Variants in STAC observed in about 807,000 individuals in gnomAD.
STAC encodes the protein SH3 and cysteine-rich domain-containing protein.
Under a neutral mutation model 48.8 loss-of-function variants are expected in STAC, and 43 were observed. That is an observed-to-expected ratio of 0.88 (90% CI 0.69 to 1.14). STAC has a LOEUF of 1.14. Among genes scored for constraint, STAC ranks in the 50% most tolerant of loss-of-function variants. The pLI is 0.00. For missense variants in STAC, 497 were observed against 504.0 expected (o/e 0.99, Z 0.13); for synonymous variants, 193 against 179.5 (o/e 1.07, Z -0.60).
intron 6 of STAC, among the ~76,000 whole-genome samples, chr3:36,493,515 G>A (rs949696079): frequency 1.3e-5 from 2 of 151,704 alleles, no homozygotes; most frequent in East Asian, 3.9e-4. Context: ...GAGCTGTATT[G>A]GGGTTTAAGA....
At chr3:36,454,124 T>G (rs571398351) in intron 2 of STAC, among the ~76,000 whole-genome samples, 3 of 152,156 alleles carry the variant, frequency 2.0e-5, no homozygotes, top group Non-Finnish European at 4.4e-5. Flanking sequence ...CAGGCTGCCC[T>G]AGCCAGCAGT....
intron 2 of STAC, among the ~76,000 whole-genome samples, chr3:36,448,504 A>T (rs1696584362): frequency 6.6e-6 from 1 of 152,262 alleles, no homozygotes; most frequent in East Asian, 1.9e-4. Flanking sequence ...TACAGGCATG[A>T]GCCACCGCAC....
At chr3:36,527,878 C>T (rs778138864) in intron 8 of STAC, among the ~76,000 whole-genome samples, 12 of 152,236 alleles carry the variant, frequency 7.9e-5, no homozygotes, top group Non-Finnish European at 1.6e-4. Flanking sequence ...TAGTACAAAA[C>T]TCCAATTACA....
intron 1 of STAC, among the ~76,000 whole-genome samples, chr3:36,413,999 G>A (rs978729169): frequency 2.0e-5 from 3 of 152,072 alleles, no homozygotes; most frequent in African/African-American, 7.2e-5. Context: ...GTTGAATATT[G>A]GCCCCCACTC....
intron 2 of STAC, among the ~76,000 whole-genome samples, chr3:36,444,608 ATTAAG>A (rs1339294081): frequency 4.6e-5 from 7 of 152,330 alleles, no homozygotes; most frequent in African/African-American, 1.2e-4. Flanking sequence ...CGTTAGCCGA[ATTAAG>A]TTATGTGGCC....
chr3:36,443,360 G>A lies in STAC; in HGVS notation c.112-4G>A. 6.2e-7 allele frequency: 1 copy of A among 1,614,110 alleles called. No individual in the cohort carries two copies. Among genetic ancestry groups the A allele is most frequent in the Non-Finnish European group, 8.5e-7 (1 of 1,180,014 alleles). ...AGAGAGACTGTTCTGTCATTGCATTGCAGCTCCAGAAACTAAAACGATCAC... is the reference window on the plus strand; with the variant it reads ...AGAGAGACTGTTCTGTCATTGCATTACAGCTCCAGAAACTAAAACGATCAC... On this transcript the variant is annotated splice_polypyrimidine_tract_variant and splice_region_variant and intron_variant, in intron 1 of 10. Transcript: ENST00000273183. The surrounding 1 kb of genome is among the most constrained non-coding windows in gnomAD (Gnocchi z 4.2).
At chr3:36,430,792 CA>C (rs1700681706) in intron 1 of STAC, among the ~76,000 whole-genome samples, 1 of 152,180 alleles carries the variant, frequency 6.6e-6, no homozygotes, top group Admixed American at 6.5e-5. Context: ...TGTAGATAAT[CA>C]CCTTCTCACT....
intron 8 of STAC, among the ~76,000 whole-genome samples, chr3:36,512,573 C>A (rs1406078106): frequency 6.6e-6 from 1 of 151,838 alleles, no homozygotes; most frequent in Non-Finnish European, 1.5e-5. Context: ...AAGAATGTTA[C>A]TGGGATAATG....
intron 1 of STAC, 116 bp downstream of exon 1, chr3:36,380,870 C>A: frequency 1.6e-6 from 1 of 613,470 alleles, no homozygotes; most frequent in Non-Finnish European, 2.7e-6. Context: ...TGCTAGTTAG[C>A]CCAGGGCTGT....
intron 7 of STAC, 37 bp from the exon 8 acceptor site, chr3:36,505,709 C>A: frequency 7.2e-7 from 1 of 1,388,174 alleles, no homozygotes. Flanking sequence ...TTTATTTCAC[C>A]TTTCTTTTCT....
At chr3:36,417,252 T>C (rs912574030) in intron 1 of STAC, among the ~76,000 whole-genome samples, 3 of 152,190 alleles carry the variant, frequency 2.0e-5, no homozygotes, top group African/African-American at 7.2e-5. Context: ...CTCAGCTCTC[T>C]TCTAAGTTTA....
At position 36,493,158 on chromosome 3, in the gene STAC, A is replaced by T. The variant is rs763996508; in HGVS notation, c.695A>T (p.Asp232Val). 1 of 1,613,150 alleles carries T rather than the reference A, an allele frequency of 6.2e-7. No homozygotes were observed. Among genetic ancestry groups the T allele is most frequent in the South Asian group, 1.1e-5 (1 of 91,044 alleles). ...TTTCTTCTTTCCTCCAAGACTTCAG[A>T]TCTTGTGGAGGTTCCTGAGGAAGCC... ...SDSPHRTSTSDLVEVPEEANG... is the reference protein window; with the variant it reads ...SDSPHRTSTSVLVEVPEEANG... Residue 232 changes from aspartate to valine, a missense_variant, in exon 6 of 11, where the codon GAT (aspartate) becomes GTT (valine). Asp to Val is a radical substitution (Grantham distance 152). Transcript: ENST00000273183.
At chr3:36,493,528 C>T (rs1189815625) in intron 6 of STAC, among the ~76,000 whole-genome samples, 1 of 151,766 alleles carries the variant, frequency 6.6e-6, no homozygotes, top group Non-Finnish European at 1.5e-5. Context: ...GTTTAAGAGT[C>T]GCTTCCAGAA....
chr3:36,523,431 T>C (rs1372145914), intron 8 of STAC, among the ~76,000 whole-genome samples: 5 of 152,214 alleles, frequency 3.3e-5, no homozygotes, highest in African/African-American at 4.8e-5. Flanking sequence ...TGGATTACAA[T>C]GTAAGCAAAA....
rs1362673521 is a variant in STAC, at chr3:36,437,931, G to GTTATTTATTATTATTATTA, written c.112-5428_112-5427insTATTATTATTATTATTATT. On this transcript the variant is annotated intron_variant, in intron 1 of 10. Coordinates refer to ENST00000273183, the MANE Select transcript of STAC (RefSeq NM_003149.3). ...GAGCAGTACCCATGATATTCATTGA[G>GTTATTTATTATTATTATTA]TTATTATTATTATTATTATTATTAT... 1.0e-3 allele frequency among the ~76,000 whole-genome samples: 142 copies of GTTATTTATTATTATTATTA among 140,566 alleles called. 1 individual carries two copies. The East Asian group carries it at 0.023, about 23-fold the overall frequency. 92.2% of individuals were successfully genotyped at this position (140,566 alleles called of 152,430 possible).
intron 1 of STAC, among the ~76,000 whole-genome samples, chr3:36,415,550 C>A (rs1169291380): frequency 6.6e-6 from 1 of 152,212 alleles, no homozygotes; most frequent in African/African-American, 2.4e-5. Context: ...TCTGTCACAG[C>A]TTTGCTTGGC....
intron 10 of STAC, among the ~76,000 whole-genome samples, chr3:36,537,335 C>T (rs555960223): frequency 1.3e-3 from 198 of 152,212 alleles, no homozygotes; most frequent in African/African-American, 4.7e-3. Flanking sequence ...AAATATGGTA[C>T]ACATACACCA....
intron 8 of STAC, among the ~76,000 whole-genome samples, chr3:36,524,649 A>G (rs963369857): frequency 6.6e-6 from 1 of 152,156 alleles, no homozygotes; most frequent in Admixed American, 6.5e-5. Flanking sequence ...GCTATGTTAC[A>G]CAGAGTGGTT....
chr3:36,491,247 G>A (rs1697958327), intron 5 of STAC, among the ~76,000 whole-genome samples: 2 of 152,208 alleles, frequency 1.3e-5, no homozygotes. Context: ...TTCCAAGGCT[G>A]CCGAGGCATT....
Sources: allele counts gnomAD v4.1 joint callset (sites outside exome capture counted in the v4.1 genomes callset), GRCh38; gene constraint gnomAD v4.1.1; non-coding constraint Gnocchi (gnomAD v3.1); transcripts MANE v1.5; gene names NCBI Gene and HGNC (gene_info 2026-07-23, HGNC 2026-07-21).